Variants in TPH2 observed in about 807,000 individuals in gnomAD.
TPH2 encodes tryptophan hydroxylase 2, also known as tryptophan 5-hydroxylase 2.
Under a neutral mutation model 59.1 loss-of-function variants are expected in TPH2, and 27 were observed. The ratio of observed to expected loss-of-function variants is 0.46; its 90% confidence interval spans 0.34 to 0.63. The LOEUF (loss-of-function observed/expected upper bound fraction) is 0.63, where lower values mean the gene tolerates loss of function less well. Ranked by LOEUF, TPH2 falls within the 30% of genes least tolerant of loss-of-function variation. The pLI is 0.01. For synonymous variants in TPH2, 220 were observed against 210.5 expected (o/e 1.05, Z -0.39); for missense variants, 523 against 588.3 (o/e 0.89, Z 1.15).
At chr12:71,995,296 T>A (rs114751811) in intron 8 of TPH2, among the ~76,000 whole-genome samples, 1,975 of 152,140 alleles carry the variant, frequency 0.013, 44 homozygotes, top group African/African-American at 0.045. Context: ...GTACCCTAGC[T>A]CCATTTCTAA....
intron 5 of TPH2, among the ~76,000 whole-genome samples, chr12:71,952,620 C>G (rs1395293826): frequency 6.6e-6 from 1 of 152,122 alleles, no homozygotes; most frequent in Admixed American, 6.5e-5. Context: ...ATAGCCCTCT[C>G]CCCTGGATGG....
chr12:71,983,140 G>C (rs1012087189), intron 7 of TPH2, among the ~76,000 whole-genome samples: 5 of 151,976 alleles, frequency 3.3e-5, no homozygotes, highest in Non-Finnish European at 5.9e-5. Context: ...AGACAATAAA[G>C]AACCCCTGGC....
chr12:72,031,750 A>G lies in TPH2; in HGVS notation c.*55A>G. ...TCTTTTTGGGGCTTAGCAGCAGTTCAGTCAATGTCATATAACGCAAATAAC... is the reference window on the plus strand; with the variant it reads ...TCTTTTTGGGGCTTAGCAGCAGTTCGGTCAATGTCATATAACGCAAATAAC... On this transcript the variant is annotated 3_prime_UTR_variant, in exon 11 of 11. Coordinates refer to ENST00000333850, the MANE Select transcript of TPH2 (RefSeq NM_173353.4). The G allele has an allele frequency of 1.2e-6, 2 of 1,603,380 alleles. No individual in the cohort carries two copies. Among genetic ancestry groups the G allele is most frequent in the African/African-American group, 1.3e-5 (1 of 74,808 alleles).
intron 7 of TPH2, among the ~76,000 whole-genome samples, chr12:71,979,421 C>T (rs745869699): frequency 1.5e-4 from 23 of 152,168 alleles, no homozygotes; most frequent in Non-Finnish European, 2.4e-4. Context: ...GTGAGGCTCT[C>T]TCATTAGGAG....
intron 7 of TPH2, among the ~76,000 whole-genome samples, chr12:71,982,416 C>T (rs754590657): frequency 6.6e-6 from 1 of 152,168 alleles, no homozygotes; most frequent in Non-Finnish European, 1.5e-5. Context: ...CCTTGATACC[C>T]AGTGCATCCT....
chr12:71,996,189 C>T (rs1159690654), intron 8 of TPH2, among the ~76,000 whole-genome samples: 2 of 152,184 alleles, frequency 1.3e-5, no homozygotes, highest in Non-Finnish European at 2.9e-5. Context: ...CAGGAGGCCT[C>T]GGTTCCTCAC....
intron 1 of TPH2, among the ~76,000 whole-genome samples, chr12:71,939,372 A>C (rs1268581773): frequency 6.8e-6 from 1 of 147,140 alleles, no homozygotes; most frequent in Non-Finnish European, 1.5e-5. Context: ...AGATTGTATG[A>C]ATCAATGTCT....
chr12:71,945,953 T>TA (rs1871187025), intron 4 of TPH2, among the ~76,000 whole-genome samples: 1 of 152,172 alleles, frequency 6.6e-6, no homozygotes, highest in African/African-American at 2.4e-5. Context: ...AGAAAAACAT[T>TA]AAAAAATAGC....
chr12:71,946,555 CCT>C (rs1232294741), intron 4 of TPH2, among the ~76,000 whole-genome samples: 19 of 152,112 alleles, frequency 1.2e-4, no homozygotes, highest in Admixed American at 1.2e-3. Context: ...TTAGCAATCC[CCT>C]CTCTTGTCAT....
intron 9 of TPH2, among the ~76,000 whole-genome samples, chr12:72,030,192 C>T (rs968615358): frequency 3.3e-5 from 5 of 152,104 alleles, no homozygotes; most frequent in African/African-American, 1.2e-4. Flanking sequence ...CTCTCTCTCC[C>T]AACTAATTTC....
chr12:71,954,505 C>T (rs1009029762), intron 5 of TPH2, among the ~76,000 whole-genome samples: 4 of 152,052 alleles, frequency 2.6e-5, no homozygotes, highest in Admixed American at 6.6e-5. Flanking sequence ...AAAAAGTACC[C>T]CATGATTAGA....
In TPH2 at chr12:72,032,298, C is replaced by A. The variant is rs1389767949; in HGVS notation, c.*603C>A. 2.6e-5 allele frequency: 4 copies of A among 154,790 alleles called. No individual in the cohort carries two copies. The highest frequency in any genetic ancestry group is 9.7e-5 in the African/African-American group (4 of 41,414). The allele number at this position is 154,790 out of a possible 1,614,324, so 9.6% of individuals were successfully genotyped here. A position where few individuals can be genotyped will look rare whatever the true frequency, so the allele number is the denominator to read the frequency against. Reference sequence around the variant, plus strand: ...ATGGAATTATGTAGGTTGCGTTGACCTTGTAGAACCTGAGTTATGACAAGC... The same window carrying A: ...ATGGAATTATGTAGGTTGCGTTGACATTGTAGAACCTGAGTTATGACAAGC... On this transcript the variant is annotated 3_prime_UTR_variant, in exon 11 of 11. Transcript: ENST00000333850.
chr12:72,027,053 T>C (rs1337910644), intron 9 of TPH2, among the ~76,000 whole-genome samples: 1 of 151,898 alleles, frequency 6.6e-6, no homozygotes, highest in African/African-American at 2.4e-5. Context: ...ACTTCACACT[T>C]GAGTTTTTTT....
intron 5 of TPH2, among the ~76,000 whole-genome samples, chr12:71,955,466 T>C (rs555718336): frequency 6.6e-6 from 1 of 152,352 alleles, no homozygotes; most frequent in East Asian, 1.9e-4. Flanking sequence ...TGTTTTTCTT[T>C]AGATCTGAGA....
At chr12:72,019,592 T>C (rs1240976749) in intron 8 of TPH2, among the ~76,000 whole-genome samples, 1 of 152,224 alleles carries the variant, frequency 6.6e-6, no homozygotes, top group Non-Finnish European at 1.5e-5. Flanking sequence ...CCCTGCTTAA[T>C]ATTTGACATA....
rs556167383 is a variant in TPH2 at position 72,014,639 on chromosome 12, C to T, written c.1069-7760C>T. 6.0e-3 allele frequency among the ~76,000 whole-genome samples: 906 copies of T among 152,238 alleles called. 14 individuals are homozygous for T. The highest frequency in any genetic ancestry group is 0.021 in the African/African-American group (886 of 41,538). On this transcript the variant is annotated intron_variant, in intron 8 of 10. Coordinates refer to ENST00000333850, the MANE Select transcript of TPH2 (RefSeq NM_173353.4). ...CTCCTGACCTCAGGTGATCTACCCGCCTTGGCCTCCCGAAGTGCTGGGATT... is the reference window on the plus strand; with the variant it reads ...CTCCTGACCTCAGGTGATCTACCCGTCTTGGCCTCCCGAAGTGCTGGGATT...
chr12:71,956,287 C>A (rs905206358), intron 5 of TPH2, among the ~76,000 whole-genome samples: 5 of 152,146 alleles, frequency 3.3e-5, no homozygotes, highest in Non-Finnish European at 5.9e-5. Flanking sequence ...GATTCATAGA[C>A]CAACTGTGAC....
chr12:71,955,153 C>G (rs1044132180), intron 5 of TPH2, among the ~76,000 whole-genome samples: 1 of 152,128 alleles, frequency 6.6e-6, no homozygotes, highest in Non-Finnish European at 1.5e-5. Flanking sequence ...ATTTCCAACT[C>G]TAATTTAGGT....
At chr12:71,949,411 T>C (rs1432663890) in intron 4 of TPH2, among the ~76,000 whole-genome samples, 177 bp from the exon 5 acceptor site, 7 of 152,212 alleles carry the variant, frequency 4.6e-5, no homozygotes, top group African/African-American at 1.7e-4. Flanking sequence ...ATAGCCCCAA[T>C]TTAATGAGGT....
Sources: gnomAD v4.1 joint callset for allele counts (sites outside exome capture counted in the v4.1 genomes callset) on GRCh38, gnomAD v4.1.1 for gene constraint, MANE v1.5 for transcripts, NCBI Gene and HGNC (gene_info 2026-07-23, HGNC 2026-07-21) for gene names.